RBPMS: variants seen among roughly 807,000 people sequenced by gnomAD.
The protein encoded by RBPMS is RNA binding protein, mRNA processing factor, also known as RNA-binding protein with multiple splicing.
RBPMS carries 7 observed loss-of-function variants against 26.8 expected under a neutral mutation model. The ratio of observed to expected loss-of-function variants is 0.26; its 90% CI spans 0.15 to 0.49. The LOEUF (loss-of-function observed/expected upper bound fraction) is 0.49, where lower values mean the gene tolerates loss of function less well. RBPMS is among the 20% of genes least tolerant of loss of function. RBPMS has a pLI of 0.98. For missense variants in RBPMS, 186 were observed against 250.0 expected, an observed-to-expected ratio of 0.74 and a Z score of 1.73; for synonymous variants, 96 against 93.3, an observed-to-expected ratio of 1.03 and a Z score of -0.17.
chr8:30,566,163 T>G, intron 7 of RBPMS, 94 bp from the exon 8 acceptor site: 1 of 650,418 alleles, frequency 1.5e-6, no homozygotes, highest in Non-Finnish European at 1.9e-6. Flanking sequence ...CTCTCTTGGC[T>G]CTCTGCCCTC....
intron 1 of RBPMS, chr8:30,386,931 T>G (rs1192236961): frequency 2.0e-5 from 3 of 152,102 alleles, no homozygotes; most frequent in African/African-American, 7.2e-5. Flanking sequence ...AAATTAAGTA[T>G]AGAAAAGTCA....
intron 4 of RBPMS, among the ~76,000 whole-genome samples, chr8:30,485,162 G>A (rs1164506087): frequency 1.3e-5 from 2 of 152,208 alleles, no homozygotes; most frequent in Non-Finnish European, 2.9e-5. Context: ...TGGTTAGACA[G>A]TCTCTGTTTC....
chr8:30,446,828 TGTGTGTGTGTGTGTGCGCGCGCGCGC>T (rs1167001179), intron 1 of RBPMS: 9 of 99,146 alleles, frequency 9.1e-5, no homozygotes, highest in African/African-American at 4.7e-4. Context: ...TGTGTGTGTG[TGTGTGTGTGTGTGTGCGCGCGCGCGC>T]GCGCGGTGGA....
chr8:30,392,919 A>G lies in RBPMS; in HGVS notation c.66+7761A>G, dbSNP rs576122231. Among the ~76,000 whole-genome samples the G allele has an allele frequency of 2.1e-4, 32 of 152,334 alleles. No homozygotes were observed. The South Asian group carries it at 4.1e-3, about 20-fold the overall frequency. ...GAAATACGATTTTCAGAACAATTCA[A>G]GAACATAGAGCTGATAATTGAAAGC... On this transcript the variant is annotated intron_variant, in intron 1 of 8. Transcript: ENST00000397323.
intron 1 of RBPMS, among the ~76,000 whole-genome samples, chr8:30,389,280 C>T (rs1429189455): frequency 6.6e-6 from 1 of 152,182 alleles, no homozygotes; most frequent in Non-Finnish European, 1.5e-5. Context: ...AGTTATTTTT[C>T]CAGTAGCGGT....
intron 1 of RBPMS, among the ~76,000 whole-genome samples, chr8:30,417,078 G>GT (rs1284614772): frequency 6.6e-6 from 1 of 152,112 alleles, no homozygotes; most frequent in Non-Finnish European, 1.5e-5. Flanking sequence ...GCCTTGTTTT[G>GT]TTTTTTGTTG....
chr8:30,385,201 C>G (rs1447887208), intron 1 of RBPMS, 43 bp downstream of exon 1: 1 of 1,377,746 alleles, frequency 7.3e-7, no homozygotes, highest in Non-Finnish European at 9.5e-7. Context: ...ACGCGGGACC[C>G]AGTGCGGGCG....
At chr8:30,477,669 T>G in intron 2 of RBPMS, 130 bp from the exon 3 acceptor site, 1 of 636,940 alleles carries the variant, frequency 1.6e-6, no homozygotes, top group South Asian at 2.0e-5. Context: ...GTGTGTAATT[T>G]GCTTTCCCAG....
intron 8 of RBPMS, among the ~76,000 whole-genome samples, chr8:30,569,004 C>G (rs1233398100): frequency 6.6e-6 from 1 of 152,206 alleles, no homozygotes; most frequent in East Asian, 1.9e-4. Context: ...CCTAGGCAGC[C>G]ATTCCGCCTG....
Position 30,511,481 on chromosome 8 carries a change from AAAAAAATATATATATATATATATATATAT to A in RBPMS, c.397+7047_397+7075del, listed in dbSNP as rs1158245942. Among the ~76,000 whole-genome samples the A allele has an allele frequency of 3.1e-4, 23 of 73,156 alleles. 1 individual carries two copies. Among genetic ancestry groups the A allele is most frequent in the African/African-American group, 1.3e-3 (17 of 12,846 alleles). The allele number at this position is 73,156 out of a possible 152,430, so 48.0% of individuals were successfully genotyped here. Reference sequence around the variant, plus strand: ...TTTAAAACAAAAAAAGAAAAAAAAAAAAAAAATATATATATATATATATATATATATATATATATATATATTTCTGTGTG... The same window carrying A: ...TTTAAAACAAAAAAAGAAAAAAAAAAATATATATATATATATTTCTGTGTG... On this transcript the variant is annotated intron_variant, in intron 5 of 8. Coordinates refer to ENST00000397323, the MANE Select transcript of RBPMS (RefSeq NM_001008710.3).
intron 1 of RBPMS, among the ~76,000 whole-genome samples, chr8:30,442,146 C>T (rs1813153932): frequency 6.6e-6 from 1 of 152,038 alleles, no homozygotes; most frequent in Non-Finnish European, 1.5e-5. Flanking sequence ...AGGCTGGTCT[C>T]GAACTCCTGG....
intron 1 of RBPMS, among the ~76,000 whole-genome samples, chr8:30,413,880 G>A (rs1286512082): frequency 6.6e-6 from 1 of 152,096 alleles, no homozygotes; most frequent in Non-Finnish European, 1.5e-5. Flanking sequence ...CAAAGTGTTG[G>A]GATTACAGGC....
chr8:30,452,085 C>A (rs1814653463), intron 1 of RBPMS, among the ~76,000 whole-genome samples: 1 of 152,134 alleles, frequency 6.6e-6, no homozygotes, highest in Admixed American at 6.6e-5. Flanking sequence ...TTGCGAGATG[C>A]CTTAACAAGG....
chr8:30,560,615 T>C (rs1827381211), intron 7 of RBPMS, among the ~76,000 whole-genome samples: 1 of 152,208 alleles, frequency 6.6e-6, no homozygotes, highest in African/African-American at 2.4e-5. Context: ...CAAATAATAA[T>C]AGTCCTCAGG....
chr8:30,386,667 TA>T (rs931533503), intron 1 of RBPMS, among the ~76,000 whole-genome samples: 9 of 152,170 alleles, frequency 5.9e-5, no homozygotes, highest in Admixed American at 3.3e-4. Flanking sequence ...CCCTACCACT[TA>T]AAAAAATTTA....
intron 1 of RBPMS, among the ~76,000 whole-genome samples, chr8:30,447,225 T>C (rs1255412431): frequency 6.6e-6 from 1 of 152,120 alleles, no homozygotes; most frequent in Admixed American, 6.6e-5. Flanking sequence ...ATGGAAAGTG[T>C]AATTGCAAAT....
At chr8:30,558,010 A>G (rs568565776) in intron 6 of RBPMS, among the ~76,000 whole-genome samples, 66 of 152,174 alleles carry the variant, frequency 4.3e-4, no homozygotes, top group Non-Finnish European at 7.9e-4. Flanking sequence ...GATTACAGGC[A>G]TGCATGCCCA....
At chr8:30,389,232 A>T (rs1337931710) in intron 1 of RBPMS, among the ~76,000 whole-genome samples, 3 of 152,234 alleles carry the variant, frequency 2.0e-5, no homozygotes, top group Non-Finnish European at 4.4e-5. Context: ...GTGACAACTG[A>T]TGCTCCATGA....
chr8:30,558,836 G>A (rs1355755721), intron 6 of RBPMS, 51 bp from the exon 7 acceptor site: 1 of 1,477,186 alleles, frequency 6.8e-7, no homozygotes, highest in South Asian at 1.1e-5. Context: ...CCGTGAGAAT[G>A]GGGATATGCT....
Sources: gnomAD v4.1 joint callset for allele counts (sites outside exome capture counted in the v4.1 genomes callset) on GRCh38, gnomAD v4.1.1 for gene constraint, MANE v1.5 for transcripts, NCBI Gene and HGNC (gene_info 2026-07-23, HGNC 2026-07-21) for gene names.